Variants in FGF20 observed in about 807,000 individuals in gnomAD.
The protein encoded by FGF20 is fibroblast growth factor 20.
A neutral mutation model predicts 16.7 loss-of-function variants in FGF20; 8 were observed. The ratio of observed to expected loss-of-function variants is 0.48; its 90% CI spans 0.28 to 0.87. The LOEUF is 0.87. Ranked by LOEUF, FGF20 falls within the 40% of genes least tolerant of loss-of-function variation. The pLI, the probability that FGF20 is intolerant of heterozygous loss-of-function variation, is 0.10. For missense variants in FGF20, 397 were observed against 281.4 expected, an observed-to-expected ratio of 1.41 and a Z score of -2.94; for synonymous variants, 161 against 118.6, an observed-to-expected ratio of 1.36 and a Z score of -2.32.
At chr8:16,998,968 G>A (rs1810121532) in intron 1 of FGF20, among the ~76,000 whole-genome samples, 1 of 151,922 alleles carries the variant, frequency 6.6e-6, no homozygotes, top group Admixed American at 6.6e-5. Context: ...AGCAAAGATA[G>A]GAGTTTAAAA....
rs897775307 is a variant in FGF20 at position 16,992,280 on chromosome 8, G to A, written c.*792C>T. The A allele has an allele frequency of 6.6e-6, 1 of 151,948 alleles. No homozygotes were observed. Among genetic ancestry groups the A allele is most frequent in the Non-Finnish European group, 1.5e-5 (1 of 67,996 alleles). The allele number at this position is 151,948 out of a possible 1,614,324, so 9.4% of individuals were successfully genotyped here. A position where few individuals can be genotyped will look rare whatever the true frequency, so the allele number is the denominator to read the frequency against. ...AAGAAACCAACGTTACATTTAGAAG[G>A]CAATTGACTGCATAAAAAATATAAT... On this transcript the variant is annotated 3_prime_UTR_variant, in exon 3 of 3. Coordinates refer to ENST00000180166, the MANE Select transcript of FGF20 (RefSeq NM_019851.3).
chr8:16,993,003 T>A lies in FGF20; in HGVS notation c.*69A>T, dbSNP rs1809950355. ...TTTGAACGTCTCCTTGGGTCATTAT[T>A]TTATGATGGGAACTATGACAAGAAA... On this transcript the variant is annotated 3_prime_UTR_variant, in exon 3 of 3. Coordinates refer to ENST00000180166, the MANE Select transcript of FGF20 (RefSeq NM_019851.3). 2.6e-6 allele frequency: 4 copies of A among 1,533,534 alleles called. No individual in the cohort carries two copies. Among genetic ancestry groups the A allele is most frequent in the Non-Finnish European group, 3.5e-6 (4 of 1,136,548 alleles). 95.0% of individuals were successfully genotyped at this position (1,533,534 alleles called of 1,614,324 possible).
chr8:16,996,611 C>T (rs573755574), intron 1 of FGF20, among the ~76,000 whole-genome samples: 16 of 152,142 alleles, frequency 1.1e-4, no homozygotes, highest in African/African-American at 2.4e-4. Flanking sequence ...TTTTTATCTA[C>T]GATAAATCAA....
chr8:17,000,785 C>T (rs964991826), intron 1 of FGF20, among the ~76,000 whole-genome samples: 2 of 151,876 alleles, frequency 1.3e-5, no homozygotes, highest in Non-Finnish European at 2.9e-5. Context: ...GAGAGACCCT[C>T]CCGATCTAGT....
intron 2 of FGF20, among the ~76,000 whole-genome samples, chr8:16,995,095 T>A (rs2150434496): frequency 6.6e-6 from 1 of 152,304 alleles, no homozygotes; most frequent in East Asian, 1.9e-4. Flanking sequence ...AGGAGCAACT[T>A]AAAAATTGCC....
chr8:16,994,453 T>C (rs1306090025), intron 2 of FGF20, among the ~76,000 whole-genome samples: 9 of 143,006 alleles, frequency 6.3e-5, no homozygotes, highest in African/African-American at 2.3e-4. Flanking sequence ...AAATCCAAAA[T>C]ACACATGAAG....
intron 1 of FGF20, among the ~76,000 whole-genome samples, chr8:17,000,167 T>G (rs2150436542): frequency 6.6e-6 from 1 of 152,150 alleles, no homozygotes; most frequent in East Asian, 2.0e-4. Flanking sequence ...TTAGAAAATC[T>G]CAAGCCTCCT....
chr8:16,998,637 T>C (rs1810112042), intron 1 of FGF20, among the ~76,000 whole-genome samples: 1 of 152,166 alleles, frequency 6.6e-6, no homozygotes, highest in South Asian at 2.1e-4. Context: ...AAGCCAGTCT[T>C]TTTAATAATC....
Position 16,992,588 on chromosome 8 carries a change from C to T in FGF20, c.*484G>A, listed in dbSNP as rs1264566528. On this transcript the variant is annotated 3_prime_UTR_variant, in exon 3 of 3. Transcript: ENST00000180166. ...GGCATGTTTCATAGTTCATGTTTCA[C>T]CCAGGTGTTGTTTAGTTTTTTTTTT... 1.3e-5 allele frequency: 2 copies of T among 151,664 alleles called. No individual in the cohort carries two copies. Among genetic ancestry groups the T allele is most frequent in the Non-Finnish European group, 2.9e-5 (2 of 68,122 alleles). 9.4% of individuals were successfully genotyped at this position (151,664 alleles called of 1,614,324 possible).
At chr8:16,995,009 A>C (rs1417486112) in intron 2 of FGF20, among the ~76,000 whole-genome samples, 1 of 152,200 alleles carries the variant, frequency 6.6e-6, no homozygotes, top group Non-Finnish European at 1.5e-5. Flanking sequence ...AACTGATGAA[A>C]TATTGACCTG....
intron 1 of FGF20, among the ~76,000 whole-genome samples, chr8:16,999,016 C>A (rs1365309155): frequency 6.6e-6 from 1 of 152,028 alleles, no homozygotes; most frequent in East Asian, 1.9e-4. Context: ...GAAGTACTAG[C>A]AAAAGAAGCC....
chr8:16,996,427 C>G (rs1810048595), intron 1 of FGF20, among the ~76,000 whole-genome samples: 1 of 152,120 alleles, frequency 6.6e-6, no homozygotes, highest in Admixed American at 6.5e-5. Context: ...ACTTTAACCT[C>G]CTCATATGCA....
intron 1 of FGF20, among the ~76,000 whole-genome samples, chr8:16,999,881 T>C (rs1422450527): frequency 6.6e-6 from 1 of 152,186 alleles, no homozygotes; most frequent in East Asian, 1.9e-4. Flanking sequence ...ACACTGTGTA[T>C]GGCAGGGTGA....
intron 1 of FGF20, among the ~76,000 whole-genome samples, chr8:17,001,355 A>AG (rs1421820955): frequency 4.0e-4 from 61 of 152,138 alleles, no homozygotes; most frequent in African/African-American, 1.3e-3. Flanking sequence ...AGAAACATAC[A>AG]GGGATTTTTT....
chr8:16,995,818 C>A, intron 1 of FGF20, 60 bp from the exon 2 acceptor site: 1 of 968,096 alleles, frequency 1.0e-6, no homozygotes, highest in Admixed American at 2.3e-5. Context: ...GAGCATATGA[C>A]TAACAAAAAT....
chr8:16,995,634 A>G, intron 2 of FGF20, 21 bp downstream of exon 2: 1 of 1,103,230 alleles, frequency 9.1e-7, no homozygotes, highest in African/African-American at 1.6e-5. Context: ...AATAATAATA[A>G]AAAATAAAAA....
chr8:16,993,403 C>T lies in FGF20; in HGVS notation c.391-86G>A, dbSNP rs917805119. On this transcript the variant is annotated intron_variant, in intron 2 of 2. Coordinates refer to ENST00000180166, the MANE Select transcript of FGF20 (RefSeq NM_019851.3). ...AAGTTTCAACTCTATATTTTCATTT[C>T]TTTGCCTTGTCAAAGAAAGAAAAAG... 3.0e-6 allele frequency: 4 copies of T among 1,329,166 alleles called. No individual in the cohort carries two copies. The East Asian group carries it at 9.4e-5, about 31-fold the overall frequency. The allele number at this position is 1,329,166 out of a possible 1,614,324, so 82.3% of individuals were successfully genotyped here.
chr8:17,000,574 T>G (rs909611964), intron 1 of FGF20, among the ~76,000 whole-genome samples: 8 of 152,066 alleles, frequency 5.3e-5, no homozygotes, highest in Non-Finnish European at 8.8e-5. Context: ...TAAAATGAAT[T>G]TTTCCAATGA....
chr8:17,002,190 G>C lies in FGF20; in HGVS notation c.-158C>G, dbSNP rs1441657702. 3 of 647,140 alleles carry C rather than the reference G, an allele frequency of 4.6e-6. No homozygotes were observed. The highest frequency in any genetic ancestry group is 4.3e-5 in the Admixed American group (1 of 23,004). The allele number at this position is 647,140 out of a possible 1,614,324, so 40.1% of individuals were successfully genotyped here. On this transcript the variant is annotated 5_prime_UTR_variant, in exon 1 of 3. Coordinates refer to ENST00000180166, the MANE Select transcript of FGF20 (RefSeq NM_019851.3). ...TCCGGAGGGACTTTGCACTGAAATG[G>C]CAGGGAAGCTCTCACTGTCTTGGAG...
Sources: allele counts gnomAD v4.1 joint callset (sites outside exome capture counted in the v4.1 genomes callset), GRCh38; gene constraint gnomAD v4.1.1; transcripts MANE v1.5; gene names NCBI Gene and HGNC (gene_info 2026-07-23, HGNC 2026-07-21).